The following VAV2 variants were observed in gnomAD, a reference collection of about 807,000 sequenced individuals.
VAV2 encodes the protein vav guanine nucleotide exchange factor 2.
In VAV2, 67 loss-of-function variants were observed where a neutral mutation model predicts 132.5. The observed-to-expected ratio is 0.51, with a 90% CI of 0.42 to 0.62. The LOEUF (loss-of-function observed/expected upper bound fraction) is 0.62, where lower values mean the gene tolerates loss of function less well. VAV2 is among the 20% of genes least tolerant of loss of function. The pLI is 0.00. For missense variants in VAV2, 938 were observed against 1,153.6 expected (o/e 0.81, Z 2.71); for synonymous variants, 492 against 443.5 (o/e 1.11, Z -1.37).
chr9:133,797,794 C>A lies in VAV2; in HGVS notation c.852G>T (p.Gly284=), dbSNP rs1263864480. 6.2e-7 allele frequency: 1 copy of A among 1,614,000 alleles called. No homozygotes were observed. Among genetic ancestry groups the A allele is most frequent in the Non-Finnish European group, 8.5e-7 (1 of 1,179,912 alleles). The stretch of plus-strand genomic sequence containing the variant: ...CGTGCTCCATGTGGCTGCAGTACTC[C>A]CCGTAGATCAGAAGCCTGGACGGTG... The part of the protein sequence containing the change: ...LDFKERLLIY[G]EYCSHMEHAQ... Residue 284 remains glycine (G), a synonymous_variant, in exon 10 of 30, where the codon GGG becomes GGT. Transcript: ENST00000371850.
At position 133,868,006 on chromosome 9, in the gene VAV2, C is replaced by A. The variant is rs115391048; in HGVS notation, c.322-6574G>T. ...AGTCCCGGCTGTTCTCCACCCAAGG[C>A]CCCAAGTGCACCTCGGACAGACAGA... On this transcript the variant is annotated intron_variant, in intron 2 of 29. Coordinates refer to ENST00000371850, the MANE Select transcript of VAV2 (RefSeq NM_001134398.2). Among the ~76,000 whole-genome samples the A allele has an allele frequency of 8.7e-3, 1,320 of 152,328 alleles. 16 individuals are homozygous for A. The highest frequency in any genetic ancestry group is 0.03 in the African/African-American group (1,256 of 41,576).
At chr9:133,911,321 G>A (rs112103491) in intron 2 of VAV2, among the ~76,000 whole-genome samples, 26 of 152,320 alleles carry the variant, frequency 1.7e-4, no homozygotes, top group Middle Eastern at 6.8e-3. Context: ...TCTGTGCTGC[G>A]GATGCCTGGG....
chr9:133,973,524 G>A (rs1046901203), intron 1 of VAV2, among the ~76,000 whole-genome samples: 2 of 152,208 alleles, frequency 1.3e-5, no homozygotes, highest in Non-Finnish European at 1.5e-5. Context: ...GGGCAGCGGT[G>A]CAGAAAACCA....
In VAV2 at chr9:133,796,484, T is replaced by C. The variant is rs1346890694; in HGVS notation, c.977A>G (p.Gln326Arg). The change falls in exon 11 of 30, where the codon CAA becomes CGA. Residue 326 changes from glutamine (Q) to arginine (R), a missense_variant. Transcript: ENST00000371850. The stretch of plus-strand genomic sequence containing the variant: ...CTGCATGGGGACCACCAGCAGGTCT[T>C]GCAGCTTAAATTTTCCATCCTGGAC... Reference protein sequence around the residue: ...LKVQDGKFKLQDLLVVPMQRV... With the variant: ...LKVQDGKFKLRDLLVVPMQRV... 1 of 1,613,712 alleles carries C rather than the reference T, an allele frequency of 6.2e-7. No individual in the cohort carries two copies. The highest frequency in any genetic ancestry group is 8.5e-7 in the Non-Finnish European group (1 of 1,179,964).
In VAV2 at chr9:133,835,777, G is replaced by C. The variant is rs964323867; in HGVS notation, c.381-1437C>G. Reference sequence around the variant, plus strand: ...GACCTGTGCTCCTGCGGGAGGGCAGGGGGGAGTCCGCTGATCTGTGAGCTG... The same window carrying C: ...GACCTGTGCTCCTGCGGGAGGGCAGCGGGGAGTCCGCTGATCTGTGAGCTG... On this transcript the variant is annotated intron_variant, in intron 3 of 29. Coordinates refer to ENST00000371850, the MANE Select transcript of VAV2 (RefSeq NM_001134398.2). 8.5e-5 allele frequency among the ~76,000 whole-genome samples: 13 copies of C among 152,202 alleles called. No individual in the cohort carries two copies. In the South Asian group the frequency reaches 1.4e-3, roughly 17 times the overall value.
chr9:133,980,406 C>A (rs181271460), intron 1 of VAV2, among the ~76,000 whole-genome samples: 37 of 152,282 alleles, frequency 2.4e-4, no homozygotes, highest in Middle Eastern at 3.4e-3. Flanking sequence ...CAGTGCTGGG[C>A]GGTCCTGAAA....
chr9:133,966,156 T>A lies in VAV2; in HGVS notation c.204+25919A>T, dbSNP rs538477984. On this transcript the variant is annotated intron_variant, in intron 1 of 29. Coordinates refer to ENST00000371850, the MANE Select transcript of VAV2 (RefSeq NM_001134398.2). ...TCAAATGGGATTAAAGACTTACCCATAAGACCCAAAACCATAAAACTACTG... is the reference window on the plus strand; with the variant it reads ...TCAAATGGGATTAAAGACTTACCCAAAAGACCCAAAACCATAAAACTACTG... Among the ~76,000 whole-genome samples the A allele has an allele frequency of 7.9e-4, 120 of 152,278 alleles. 1 individual carries two copies. Among genetic ancestry groups the A allele is most frequent in the African/African-American group, 2.8e-3 (115 of 41,562 alleles).
intron 1 of VAV2, among the ~76,000 whole-genome samples, chr9:133,985,010 A>G (rs981234501): frequency 6.6e-6 from 1 of 152,178 alleles, no homozygotes; most frequent in African/African-American, 2.4e-5. Flanking sequence ...CTGAAAATAC[A>G]GATGTGGCTT....
chr9:133,822,437 G>A (rs534284418), intron 4 of VAV2, among the ~76,000 whole-genome samples: 14 of 152,320 alleles, frequency 9.2e-5, no homozygotes, highest in East Asian at 5.8e-4. Flanking sequence ...TGAAGAAGCC[G>A]GCTGGGAACT....
intron 3 of VAV2, among the ~76,000 whole-genome samples, chr9:133,841,258 A>C (rs887636428): frequency 2.6e-5 from 4 of 151,800 alleles, no homozygotes; most frequent in African/African-American, 9.7e-5. Flanking sequence ...CAGCAGCTAC[A>C]GGGAGAGAAG....
At position 133,824,540 on chromosome 9, in the gene VAV2, G is replaced by T. The variant is rs554406983; in HGVS notation, c.449+9732C>A. Among the ~76,000 whole-genome samples the T allele has an allele frequency of 6.6e-6, 1 of 152,276 alleles. No homozygotes were observed. Among genetic ancestry groups the T allele is most frequent in the East Asian group, 1.9e-4 (1 of 5,172 alleles). On this transcript the variant is annotated intron_variant, in intron 4 of 29. Transcript: ENST00000371850. The surrounding 1 kb of genome is among the most constrained non-coding windows in gnomAD (Gnocchi z 5.2). ...TAAATCACACTTTGGCAAATCCTACGCACTCTTCAAAATGAACACCTCCTC... is the reference window on the plus strand; with the variant it reads ...TAAATCACACTTTGGCAAATCCTACTCACTCTTCAAAATGAACACCTCCTC...
rs980002043 is a variant in VAV2 at position 133,794,574 on chromosome 9, C to T, written c.1101+1094G>A. Among the ~76,000 whole-genome samples, 2 of 152,106 alleles carry T rather than the reference C, an allele frequency of 1.3e-5. No individual in the cohort carries two copies. Among genetic ancestry groups the T allele is most frequent in the South Asian group, 2.1e-4 (1 of 4,832 alleles). The stretch of plus-strand genomic sequence containing the variant: ...CAGAGGGAGCTCCTTAAATGAGGTA[C>T]CTGGGAAAGGAAAAGGGGGCCCAAA... On this transcript the variant is annotated intron_variant, in intron 12 of 29. Coordinates refer to ENST00000371850, the MANE Select transcript of VAV2 (RefSeq NM_001134398.2). The surrounding 1 kb of genome is among the most constrained non-coding windows in gnomAD (Gnocchi z 4.6).
At chr9:133,825,752 C>T (rs978804020) in intron 4 of VAV2, among the ~76,000 whole-genome samples, 1 of 152,104 alleles carries the variant, frequency 6.6e-6, no homozygotes, top group Non-Finnish European at 1.5e-5. Flanking sequence ...ACAAAGGGCA[C>T]AGCACAGAGT....
At chr9:133,808,268 C>G (rs569903794) in intron 7 of VAV2, among the ~76,000 whole-genome samples, 13 of 152,302 alleles carry the variant, frequency 8.5e-5, no homozygotes, top group African/African-American at 2.9e-4. Flanking sequence ...GGCCAAGGAC[C>G]AGAGGGTGGG....
intron 3 of VAV2, among the ~76,000 whole-genome samples, chr9:133,848,274 C>T (rs576999546): frequency 6.2e-5 from 6 of 96,196 alleles, no homozygotes; most frequent in South Asian, 3.8e-4. Flanking sequence ...AGTGAGACTC[C>T]GTCTCAAAAA....
chr9:133,784,471 C>T (rs1474968920), intron 17 of VAV2, 53 bp from the exon 18 acceptor site: 1 of 1,594,900 alleles, frequency 6.3e-7, no homozygotes, highest in East Asian at 2.2e-5. Flanking sequence ...CCCCGAGCCC[C>T]ACCATGTGGC....
At chr9:133,799,900 G>A (rs7863767) in intron 9 of VAV2, among the ~76,000 whole-genome samples, 15,548 of 152,052 alleles carry the variant, frequency 0.1, 1,952 homozygotes, top group African/African-American at 0.3. Context: ...ACTGACTCCC[G>A]GCGGCCGCCT....
At chr9:133,973,497 G>A (rs565008680) in intron 1 of VAV2, among the ~76,000 whole-genome samples, 15 of 152,298 alleles carry the variant, frequency 9.8e-5, no homozygotes, top group Non-Finnish European at 5.9e-5. Flanking sequence ...GGCTCTCCCC[G>A]GAAGGCCATC....
chr9:133,942,631 TTTAGAG>T (rs1164423695), intron 1 of VAV2, among the ~76,000 whole-genome samples: 1 of 152,230 alleles, frequency 6.6e-6, no homozygotes, highest in African/African-American at 2.4e-5. Flanking sequence ...GCCTCCCAAG[TTTAGAG>T]TTAATTACAC....
Sources: gnomAD v4.1 joint callset for allele counts (sites outside exome capture counted in the v4.1 genomes callset) on GRCh38, gnomAD v4.1.1 for gene constraint, Gnocchi (gnomAD v3.1) non-coding constraint, MANE v1.5 for transcripts, NCBI Gene and HGNC (gene_info 2026-07-23, HGNC 2026-07-21) for gene names.